Variants in TANC1 observed in about 807,000 individuals in gnomAD.
TANC1 encodes the protein protein TANC1.
TANC1 carries 77 observed loss-of-function variants against 149.7 expected under a neutral mutation model. The observed-to-expected ratio is 0.51, with a 90% CI of 0.43 to 0.62. The LOEUF is 0.62. Among genes scored for constraint, TANC1 ranks in the 20% least tolerant of loss-of-function variants. TANC1 has a pLI of 0.00. For missense variants in TANC1, 1,985 were observed against 2,321.8 expected (o/e 0.85, Z 2.98); for synonymous variants, 854 against 925.0 (o/e 0.92, Z 1.39).
intron 4 of TANC1, among the ~76,000 whole-genome samples, chr2:159,113,618 C>T (rs770323019): frequency 1.4e-4 from 21 of 152,208 alleles, no homozygotes; most frequent in Non-Finnish European, 2.8e-4. Flanking sequence ...ATTGTCCTCT[C>T]TCCTGTATCA....
At chr2:158,984,291 T>G (rs574414558) in intron 1 of TANC1, among the ~76,000 whole-genome samples, 21 of 152,310 alleles carry the variant, frequency 1.4e-4, no homozygotes, top group African/African-American at 5.1e-4. Context: ...TAGTTCCCCC[T>G]TCCATCTGGA....
intron 1 of TANC1, among the ~76,000 whole-genome samples, chr2:158,988,362 T>G (rs994121582): frequency 9.2e-5 from 14 of 152,048 alleles, no homozygotes; most frequent in African/African-American, 3.4e-4. Context: ...GTTTTCGTTT[T>G]GTTTTCAGCT....
intron 3 of TANC1, among the ~76,000 whole-genome samples, chr2:159,083,183 G>A (rs2044461256): frequency 6.6e-6 from 1 of 152,038 alleles, no homozygotes; most frequent in South Asian, 2.1e-4. Context: ...TTGAACTCCT[G>A]GCCTCAAGTG....
At chr2:159,194,906 G>A (rs1034251785) in intron 17 of TANC1, among the ~76,000 whole-genome samples, 3 of 152,120 alleles carry the variant, frequency 2.0e-5, no homozygotes, top group African/African-American at 7.2e-5. Context: ...TCATGAAGAA[G>A]CCATGTGCCT....
intron 2 of TANC1, among the ~76,000 whole-genome samples, chr2:159,008,339 C>A (rs887137509): frequency 6.6e-6 from 1 of 152,148 alleles, no homozygotes; most frequent in African/African-American, 2.4e-5. Context: ...GAAATATGGG[C>A]TTTTGGTGTA....
intron 23 of TANC1, chr2:159,225,273 G>C: frequency 4.0e-6 from 1 of 252,876 alleles, no homozygotes. Flanking sequence ...TGTAGGGTAG[G>C]AGAGAGAAGC....
At chr2:159,064,344 A>G (rs541331965) in intron 2 of TANC1, among the ~76,000 whole-genome samples, 1 of 152,346 alleles carries the variant, frequency 6.6e-6, no homozygotes, top group South Asian at 2.1e-4. Flanking sequence ...GCTCTAAGCC[A>G]TGCCCCTTCA....
chr2:159,029,043 A>AACTCTG lies in TANC1; in HGVS notation c.-16+27854_-16+27855insACTCTG, dbSNP rs566531611. On this transcript the variant is annotated intron_variant, in intron 2 of 26. Transcript: ENST00000263635. Reference sequence around the variant, plus strand: ...AGTGTTGGGATTACAGGTGTGAGCCACAGTGCCTAGCAGAGTTTGACTACT... The same window carrying AACTCTG: ...AGTGTTGGGATTACAGGTGTGAGCCAACTCTGCAGTGCCTAGCAGAGTTTGACTACT... Among the ~76,000 whole-genome samples the AACTCTG allele has an allele frequency of 1.1e-3, 167 of 152,350 alleles. 2 individuals are homozygous for AACTCTG. In the South Asian group the frequency reaches 0.013, roughly 12 times the overall value.
intron 2 of TANC1, among the ~76,000 whole-genome samples, chr2:159,008,187 T>C (rs1269284072): frequency 6.6e-6 from 1 of 152,238 alleles, no homozygotes; most frequent in East Asian, 1.9e-4. Flanking sequence ...GTGATTAATA[T>C]CTGTTATACA....
chr2:159,136,406 G>A, intron 5 of TANC1, 108 bp downstream of exon 5: 1 of 691,406 alleles, frequency 1.4e-6, no homozygotes, highest in Admixed American at 2.4e-5. Context: ...TGCTGAGAAT[G>A]TATTTGGGAG....
chr2:159,055,682 G>T (rs2041797372), intron 2 of TANC1, among the ~76,000 whole-genome samples: 1 of 151,872 alleles, frequency 6.6e-6, no homozygotes, highest in Non-Finnish European at 1.5e-5. Flanking sequence ...TTTTCTCTCT[G>T]GCTATCCTAC....
chr2:159,145,633 T>C (rs966097411), intron 5 of TANC1, among the ~76,000 whole-genome samples: 4 of 152,184 alleles, frequency 2.6e-5, no homozygotes, highest in Non-Finnish European at 5.9e-5. Context: ...TGTGGACTGC[T>C]CCTTAGCATT....
At chr2:159,022,484 G>T (rs1361630735) in intron 2 of TANC1, among the ~76,000 whole-genome samples, 1 of 151,986 alleles carries the variant, frequency 6.6e-6, no homozygotes, top group South Asian at 2.1e-4. Flanking sequence ...GGTGGTTCAC[G>T]CCTGTAATCC....
intron 2 of TANC1, among the ~76,000 whole-genome samples, chr2:159,009,132 A>G (rs1031986382): frequency 6.6e-6 from 1 of 152,178 alleles, no homozygotes; most frequent in African/African-American, 2.4e-5. Context: ...TTCACTTGAG[A>G]GTGTTTAAAA....
chr2:158,992,579 T>C (rs907345267), intron 1 of TANC1, among the ~76,000 whole-genome samples: 4 of 151,938 alleles, frequency 2.6e-5, no homozygotes, highest in African/African-American at 4.8e-5. Context: ...CTTGGCTCAC[T>C]ACAAGTTCTG....
At chr2:159,089,131 A>G (rs145721079) in intron 3 of TANC1, among the ~76,000 whole-genome samples, 91 of 152,242 alleles carry the variant, frequency 6.0e-4, no homozygotes, top group African/African-American at 2.1e-3. Context: ...TCCCCCTTCC[A>G]CAGTGGGCTG....
chr2:159,053,326 C>T (rs2041611886), intron 2 of TANC1, among the ~76,000 whole-genome samples: 1 of 151,960 alleles, frequency 6.6e-6, no homozygotes, highest in Non-Finnish European at 1.5e-5. Flanking sequence ...TGCCCATATG[C>T]CCTTTCTCAC....
intron 4 of TANC1, among the ~76,000 whole-genome samples, chr2:159,124,857 C>A (rs2049237156): frequency 9.1e-6 from 1 of 110,304 alleles, no homozygotes; most frequent in Non-Finnish European, 1.8e-5. Flanking sequence ...CAGCTCTCCC[C>A]ACCCCCCGCC....
chr2:159,099,122 T>C (rs138647519), intron 4 of TANC1, among the ~76,000 whole-genome samples: 1 of 152,330 alleles, frequency 6.6e-6, no homozygotes, highest in East Asian at 1.9e-4. Context: ...TGCTATGAAT[T>C]TGTGAGTGTC....
Sources: gnomAD v4.1 joint callset for allele counts (sites outside exome capture counted in the v4.1 genomes callset) on GRCh38, gnomAD v4.1.1 for gene constraint, MANE v1.5 for transcripts, NCBI Gene and HGNC (gene_info 2026-07-23, HGNC 2026-07-21) for gene names.